TSGA10: variants seen among roughly 807,000 people sequenced by gnomAD.
TSGA10 encodes testis-specific gene 10 protein.
A neutral mutation model predicts 96.6 loss-of-function variants in TSGA10; 43 were observed. The observed-to-expected ratio is 0.44, with a 90% confidence interval of 0.35 to 0.57. The LOEUF (loss-of-function observed/expected upper bound fraction) is 0.57. Among genes scored for constraint, TSGA10 ranks in the 20% least tolerant of loss-of-function variants. The pLI, the probability that TSGA10 is intolerant of heterozygous loss-of-function variation, is 0.01. For missense variants in TSGA10, 703 were observed against 834.4 expected, an observed-to-expected ratio of 0.84 and a Z score of 1.94; for synonymous variants, 229 against 269.9, an observed-to-expected ratio of 0.85 and a Z score of 1.48.
At chr2:99,042,083 C>T (rs2082251527) in intron 16 of TSGA10, among the ~76,000 whole-genome samples, 1 of 148,838 alleles carries the variant, frequency 6.7e-6, no homozygotes, top group Admixed American at 6.7e-5. Flanking sequence ...TACTCTGTTG[C>T]CCAGGCTGGA....
At chr2:99,139,288 T>A (rs2093439296) in intron 1 of TSGA10, among the ~76,000 whole-genome samples, 1 of 151,966 alleles carries the variant, frequency 6.6e-6, no homozygotes, top group Non-Finnish European at 1.5e-5. Context: ...GTCATGGAAA[T>A]CTGAGGAAGT....
At chr2:99,102,813 A>G in intron 10 of TSGA10, 1 of 1,299,108 alleles carries the variant, frequency 7.7e-7, no homozygotes. Flanking sequence ...TCATACCCAG[A>G]ACTGTAAATA....
intron 1 of TSGA10, chr2:99,140,977 C>CA: frequency 3.5e-6 from 3 of 853,978 alleles, no homozygotes; most frequent in Non-Finnish European, 4.6e-6. Context: ...CTCCGCCCGC[C>CA]ACGGCCCCGC....
At chr2:99,012,214 G>A (rs1360727759) in intron 20 of TSGA10, among the ~76,000 whole-genome samples, 1 of 152,054 alleles carries the variant, frequency 6.6e-6, no homozygotes, top group Non-Finnish European at 1.5e-5. Context: ...CAAAATAGAA[G>A]CTCCTTATGA....
chr2:99,040,527 CA>C (rs967620198), intron 16 of TSGA10, among the ~76,000 whole-genome samples: 9 of 151,560 alleles, frequency 5.9e-5, no homozygotes, highest in African/African-American at 2.2e-4. Flanking sequence ...AAACAAAAAA[CA>C]AAAAAACACA....
intron 15 of TSGA10, among the ~76,000 whole-genome samples, chr2:99,067,448 T>G (rs994167677): frequency 6.6e-6 from 1 of 152,180 alleles, no homozygotes; most frequent in African/African-American, 2.4e-5. Context: ...GAAAATATAA[T>G]TCTAGAATCT....
At chr2:99,101,979 C>A in intron 10 of TSGA10, 2 of 935,954 alleles carry the variant, frequency 2.1e-6, no homozygotes, top group Non-Finnish European at 3.5e-6. Context: ...ACTGTTCTTA[C>A]ATTTAACAAT....
chr2:99,154,920 T>G lies in TSGA10; in HGVS notation c.-848A>C, dbSNP rs2105175796. 2.3e-6 allele frequency: 1 copy of G among 441,004 alleles called. No homozygotes were observed. Among genetic ancestry groups the G allele is most frequent in the South Asian group, 1.6e-5 (1 of 63,376 alleles). The allele number at this position is 441,004 out of a possible 1,614,324, so 27.3% of individuals were successfully genotyped here. The stretch of plus-strand genomic sequence containing the variant: ...GATCCCTGCGCGCCCCTCCTTCTCT[T>G]GCGCTTCAGGGGGCCGGCCCTCAGG... On this transcript the variant is annotated 5_prime_UTR_variant, in exon 1 of 21. Transcript: ENST00000393483.
At chr2:99,132,844 C>T (rs1481707017) in intron 1 of TSGA10, among the ~76,000 whole-genome samples, 1 of 152,128 alleles carries the variant, frequency 6.6e-6, no homozygotes, top group African/African-American at 2.4e-5. Flanking sequence ...CTTAATTCTG[C>T]CTTAATTTCG....
rs904116501 is a variant in TSGA10, at chr2:99,104,906, G to A, written c.459+453C>T. On this transcript the variant is annotated intron_variant, in intron 9 of 20. Transcript: ENST00000393483. ...GTGACAATATCATCAATATATATTC[G>A]TAGCAATATCAAATCTGATTAGGAA... Among the ~76,000 whole-genome samples, 7 of 152,106 alleles carry A rather than the reference G, an allele frequency of 4.6e-5. No homozygotes were observed. In the East Asian group the frequency reaches 9.6e-4, roughly 21 times the overall value.
At chr2:99,030,526 A>C (rs551503154) in intron 17 of TSGA10, among the ~76,000 whole-genome samples, 1 of 152,096 alleles carries the variant, frequency 6.6e-6, no homozygotes, top group South Asian at 2.1e-4. Flanking sequence ...ACATGTCTGT[A>C]GTGCCACCTA....
chr2:99,091,689 C>T (rs1188725785), intron 10 of TSGA10, among the ~76,000 whole-genome samples: 1 of 152,034 alleles, frequency 6.6e-6, no homozygotes, highest in Non-Finnish European at 1.5e-5. Context: ...AAAACAACAG[C>T]AGTTGAAAAA....
chr2:99,105,115 C>T (rs1398727756), intron 9 of TSGA10, among the ~76,000 whole-genome samples: 1 of 151,958 alleles, frequency 6.6e-6, no homozygotes, highest in Non-Finnish European at 1.5e-5. Flanking sequence ...AAATGAATGC[C>T]TAATGATTTT....
At chr2:99,129,821 T>A (rs1243829480) in intron 1 of TSGA10, among the ~76,000 whole-genome samples, 1 of 152,208 alleles carries the variant, frequency 6.6e-6, no homozygotes, top group East Asian at 1.9e-4. Context: ...TGGTATATGA[T>A]GTTCCCCTCC....
chr2:99,028,000 T>C (rs2080788247), intron 17 of TSGA10, among the ~76,000 whole-genome samples: 1 of 152,228 alleles, frequency 6.6e-6, no homozygotes, highest in African/African-American at 2.4e-5. Context: ...CCTTGCGGTA[T>C]ATAGCCTCCG....
At chr2:99,046,602 T>C (rs2082799539) in intron 16 of TSGA10, among the ~76,000 whole-genome samples, 1 of 152,160 alleles carries the variant, frequency 6.6e-6, no homozygotes, top group Non-Finnish European at 1.5e-5. Context: ...TAGCATTAAA[T>C]GCCCACAAGA....
At chr2:99,105,084 GA>G (rs1234475608) in intron 9 of TSGA10, among the ~76,000 whole-genome samples, 6 of 152,172 alleles carry the variant, frequency 3.9e-5, no homozygotes, top group Admixed American at 3.3e-4. Flanking sequence ...ATGGAGATGA[GA>G]AAGTAGATAA....
rs376022194 is a variant in TSGA10 at position 99,081,391 on chromosome 2, C to A, written c.618G>T (p.Leu206Phe). 11 of 1,536,490 alleles carry A rather than the reference C, an allele frequency of 7.2e-6. No individual in the cohort carries two copies. The Admixed American group carries it at 1.8e-4, about 25-fold the overall frequency. The change falls in exon 11 of 21, where the codon TTG becomes TTT. Residue 206 changes from leucine (L) to phenylalanine (F), a missense_variant. Physicochemically the swap from Leu to Phe is conservative, Grantham distance 22. Around this residue, in one of 3 missense-constraint regions of TSGA10, gnomAD observed 585 missense variants for 656.8 expected, o/e 0.89. Coordinates refer to ENST00000393483, the MANE Select transcript of TSGA10 (RefSeq NM_025244.4). ...QKAENNSLRLLYENTEKDLSD... is the reference protein window; with the variant it reads ...QKAENNSLRLFYENTEKDLSD... Reference sequence around the variant, plus strand: ...AAAGATCTTTTTCTGTGTTTTCATACAAAAGTCTGCAAATATTTTAATAAT... The same window carrying A: ...AAAGATCTTTTTCTGTGTTTTCATAAAAAAGTCTGCAAATATTTTAATAAT...
chr2:99,113,530 A>C (rs2091989094), intron 4 of TSGA10, among the ~76,000 whole-genome samples: 1 of 152,096 alleles, frequency 6.6e-6, no homozygotes, highest in African/African-American at 2.4e-5. Flanking sequence ...TCAAGCCATG[A>C]CTGTGGCAAT....
Sources: allele counts gnomAD v4.1 joint callset (sites outside exome capture counted in the v4.1 genomes callset), GRCh38; gene constraint gnomAD v4.1.1; regional missense constraint gnomAD v4.1.1; transcripts MANE v1.5; gene names NCBI Gene and HGNC (gene_info 2026-07-23, HGNC 2026-07-21).